FREM2: variants seen among roughly 807,000 people sequenced by gnomAD.
The protein encoded by FREM2 is FRAS1-related extracellular matrix protein 2.
FREM2 carries 119 observed loss-of-function variants against 219.9 expected under a neutral mutation model. The ratio of observed to expected loss-of-function variants is 0.54; its 90% CI spans 0.47 to 0.63. The LOEUF (loss-of-function observed/expected upper bound fraction) is 0.63, where lower values mean the gene tolerates loss of function less well. Ranked by LOEUF, FREM2 falls within the 30% of genes least tolerant of loss-of-function variation. FREM2 has a pLI of 0.00. For synonymous variants in FREM2, 1,562 were observed against 1,522.8 expected (o/e 1.03, Z -0.60); for missense variants, 4,030 against 3,993.6 (o/e 1.01, Z -0.25).
chr13:38,769,624 G>A lies in FREM2; in HGVS notation c.5457G>A (p.Lys1819=), dbSNP rs1470666927. 6.2e-7 allele frequency: 1 copy of A among 1,614,116 alleles called. No homozygotes were observed. The highest frequency in any genetic ancestry group is 2.2e-5 in the East Asian group (1 of 44,864). Residue 1819 remains lysine (K), a synonymous_variant, in exon 4 of 24, where the codon AAG becomes AAA. Transcript: ENST00000280481. The part of the protein sequence containing the change: ...DRTAEKDKDF[K]GKAQKQVQFN... Reference sequence around the variant, plus strand: ...CTGCAGAAAAAGACAAAGACTTCAAGGGCAAAGCACAGAAACAAGTGCAGT... The same window carrying A: ...CTGCAGAAAAAGACAAAGACTTCAAAGGCAAAGCACAGAAACAAGTGCAGT...
intron 6 of FREM2, among the ~76,000 whole-genome samples, chr13:38,838,900 G>A (rs1157993071): frequency 6.6e-6 from 1 of 152,094 alleles, no homozygotes; most frequent in African/African-American, 2.4e-5. Flanking sequence ...CATTGGGTTA[G>A]AGCATGCTCC....
intron 2 of FREM2, among the ~76,000 whole-genome samples, chr13:38,726,253 G>A (rs1871519789): frequency 6.6e-6 from 1 of 152,144 alleles, no homozygotes; most frequent in Non-Finnish European, 1.5e-5. Flanking sequence ...GGGCCTATCT[G>A]TAATTATCTG....
At position 38,775,300 on chromosome 13, in the gene FREM2, A is replaced by G. The variant is rs377347374; in HGVS notation, c.5641+5492A>G. On this transcript the variant is annotated intron_variant, in intron 4 of 23. Transcript: ENST00000280481. ...GTGAATGTGCCAAAATTCAAGGTCC[A>G]GAATTAATGAAACGATAGTACGCTG... Among the ~76,000 whole-genome samples the G allele has an allele frequency of 1.7e-4, 26 of 152,380 alleles. No homozygotes were observed. In the East Asian group the frequency reaches 3.1e-3, roughly 18 times the overall value.
At chr13:38,841,057 C>T (rs1051628679) in intron 6 of FREM2, among the ~76,000 whole-genome samples, 1 of 152,086 alleles carries the variant, frequency 6.6e-6, no homozygotes, top group African/African-American at 2.4e-5. Flanking sequence ...CTGCTATTTC[C>T]CTGATGTACA....
At chr13:38,718,420 G>A (rs1029186272) in intron 2 of FREM2, among the ~76,000 whole-genome samples, 6 of 152,134 alleles carry the variant, frequency 3.9e-5, no homozygotes, top group Admixed American at 1.3e-4. Flanking sequence ...CTGCTTTTAA[G>A]AATTGATGGG....
intron 2 of FREM2, among the ~76,000 whole-genome samples, chr13:38,752,878 T>C (rs1382378695): frequency 6.6e-6 from 1 of 152,178 alleles, no homozygotes; most frequent in Admixed American, 6.5e-5. Context: ...ACCACTGCTT[T>C]CCTTTAGCTC....
At chr13:38,880,022 C>T (rs1878483959) in intron 23 of FREM2, among the ~76,000 whole-genome samples, 1 of 152,164 alleles carries the variant, frequency 6.6e-6, no homozygotes, top group Admixed American at 6.5e-5. Context: ...ACTGTATAAT[C>T]TATTAATAGT....
chr13:38,835,675 G>A (rs938533064), intron 6 of FREM2, among the ~76,000 whole-genome samples: 9 of 152,192 alleles, frequency 5.9e-5, no homozygotes, highest in Admixed American at 6.5e-5. Flanking sequence ...CTTGTAAGTT[G>A]TATTCCTGGG....
chr13:38,877,313 T>C (rs775136949), intron 21 of FREM2, 70 bp downstream of exon 21: 10 of 1,571,484 alleles, frequency 6.4e-6, no homozygotes, highest in Non-Finnish European at 8.8e-6. Context: ...TTTTTGGGGA[T>C]TGTGTTTGAG....
chr13:38,773,666 A>G (rs966495454), intron 4 of FREM2, among the ~76,000 whole-genome samples: 2 of 152,064 alleles, frequency 1.3e-5, no homozygotes, highest in Admixed American at 6.6e-5. Context: ...CCTGGCCTCA[A>G]GTGGTCCTCC....
chr13:38,816,794 G>T (rs912421285), intron 6 of FREM2, among the ~76,000 whole-genome samples: 1 of 152,066 alleles, frequency 6.6e-6, no homozygotes, highest in Admixed American at 6.6e-5. Flanking sequence ...TGCCCTGTTT[G>T]CAGATGACAT....
chr13:38,765,493 A>G (rs901300969), intron 3 of FREM2, among the ~76,000 whole-genome samples: 3 of 152,028 alleles, frequency 2.0e-5, no homozygotes, highest in African/African-American at 7.3e-5. Context: ...CTTGTCTCCA[A>G]ATGATTATTT....
rs1566165972 is a variant in FREM2 at position 38,850,103 on chromosome 13, ATGAT to A, written c.6446_6449del (p.Met2149ThrfsTer13). Reference sequence around the variant, plus strand: ...CGAAAGTGATGGGCAGATAGTTACAATGATCCATAGGACTGGGGATGTCCAGTAC... The same window carrying A: ...CGAAAGTGATGGGCAGATAGTTACAACCATAGGACTGGGGATGTCCAGTAC... On this transcript the variant is annotated frameshift_variant, in exon 9 of 24. Transcript: ENST00000280481. LOFTEE classifies it high-confidence loss of function. The A allele has an allele frequency of 3.1e-6, 5 of 1,614,048 alleles. No individual in the cohort carries two copies. Among genetic ancestry groups the A allele is most frequent in the Non-Finnish European group, 4.2e-6 (5 of 1,179,928 alleles).
Position 38,699,562 on chromosome 13 carries a change from T to G in FREM2, c.5263+1775T>G, listed in dbSNP as rs144981445. On this transcript the variant is annotated intron_variant, in intron 2 of 23. Transcript: ENST00000280481. ...TAGGAACATATCATTTTAGGAGTCTTTTTAGAGAGAGAGTTTCATGTGAGA... is the reference window on the plus strand; with the variant it reads ...TAGGAACATATCATTTTAGGAGTCTGTTTAGAGAGAGAGTTTCATGTGAGA... 4.1e-4 allele frequency among the ~76,000 whole-genome samples: 63 copies of G among 152,198 alleles called. No homozygotes were observed. The East Asian group carries it at 0.01, about 24-fold the overall frequency.
chr13:38,874,715 G>T, intron 18 of FREM2, 129 bp downstream of exon 18: 2 of 756,664 alleles, frequency 2.6e-6, no homozygotes, highest in Non-Finnish European at 2.4e-6. Flanking sequence ...GTACATGTGG[G>T]ATTATCTCCA....
intron 2 of FREM2, among the ~76,000 whole-genome samples, chr13:38,736,477 T>C (rs1871999525): frequency 6.6e-6 from 1 of 152,222 alleles, no homozygotes; most frequent in Non-Finnish European, 1.5e-5. Context: ...CATTATAAGA[T>C]TTTATGTTAT....
intron 2 of FREM2, among the ~76,000 whole-genome samples, chr13:38,729,251 G>A (rs1387242697): frequency 6.6e-6 from 1 of 151,984 alleles, no homozygotes; most frequent in Non-Finnish European, 1.5e-5. Flanking sequence ...CACAGCTCAT[G>A]ATTCACTCTA....
intron 2 of FREM2, among the ~76,000 whole-genome samples, chr13:38,731,270 A>G (rs1271854965): frequency 6.6e-6 from 1 of 152,214 alleles, no homozygotes; most frequent in Non-Finnish European, 1.5e-5. Context: ...TTTTCAATCA[A>G]GAAAATTAAA....
At chr13:38,811,481 G>T (rs1875473383) in intron 6 of FREM2, among the ~76,000 whole-genome samples, 1 of 151,902 alleles carries the variant, frequency 6.6e-6, no homozygotes, top group Non-Finnish European at 1.5e-5. Flanking sequence ...GTATCCCATA[G>T]GTTTTGGTAT....
Sources: allele counts gnomAD v4.1 joint callset (sites outside exome capture counted in the v4.1 genomes callset), GRCh38; gene constraint gnomAD v4.1.1; transcripts MANE v1.5; gene names NCBI Gene and HGNC (gene_info 2026-07-23, HGNC 2026-07-21).